Variants in KCNIP4 observed in about 807,000 individuals in gnomAD.
KCNIP4 encodes Kv channel-interacting protein 4.
Under a neutral mutation model 34.0 loss-of-function variants are expected in KCNIP4, and 12 were observed. The observed-to-expected ratio is 0.35, with a 90% CI of 0.23 to 0.57. The LOEUF (loss-of-function observed/expected upper bound fraction) is 0.57, where lower values mean the gene tolerates loss of function less well. Among genes scored for constraint, KCNIP4 ranks in the 20% least tolerant of loss-of-function variants. KCNIP4 has a pLI of 0.83. For synonymous variants in KCNIP4, 124 were observed against 102.2 expected (o/e 1.21, Z -1.29); for missense variants, 238 against 311.7 (o/e 0.76, Z 1.78).
chr4:20,753,790 T>C (rs1186203026), intron 4 of KCNIP4, among the ~76,000 whole-genome samples: 1 of 152,196 alleles, frequency 6.6e-6, no homozygotes, highest in Non-Finnish European at 1.5e-5. Context: ...GGTGAAGTCT[T>C]TTTTAAATTT....
chr4:21,738,218 A>G (rs997577958), intron 1 of KCNIP4, among the ~76,000 whole-genome samples: 1 of 152,104 alleles, frequency 6.6e-6, no homozygotes, highest in Non-Finnish European at 1.5e-5. Flanking sequence ...ATTTGTTTTT[A>G]TTCCTCTTTA....
In KCNIP4 at chr4:21,707,311, G is replaced by A. The variant is rs149152843; in HGVS notation, c.61+241260C>T. On this transcript the variant is annotated intron_variant, in intron 1 of 8. Coordinates refer to ENST00000382152, the MANE Select transcript of KCNIP4 (RefSeq NM_025221.6). ...ATATTTACATGTAAATAGATTCACA[G>A]AAGTATCTACTAAATACAAATTATG... Among the ~76,000 whole-genome samples, 496 of 152,252 alleles carry A rather than the reference G, an allele frequency of 3.3e-3. 3 individuals are homozygous for A. Among genetic ancestry groups the A allele is most frequent in the Non-Finnish European group, 5.9e-3 (402 of 68,012 alleles).
At chr4:20,882,238 A>G (rs746525870) in intron 2 of KCNIP4, among the ~76,000 whole-genome samples, 1 of 152,160 alleles carries the variant, frequency 6.6e-6, no homozygotes, top group Non-Finnish European at 1.5e-5. Context: ...GGGATTATAG[A>G]CCCAGTGGAT....
At chr4:21,125,355 T>G (rs1042223020) in intron 1 of KCNIP4, among the ~76,000 whole-genome samples, 2 of 151,770 alleles carry the variant, frequency 1.3e-5, no homozygotes, top group Non-Finnish European at 1.5e-5. Flanking sequence ...TAGCAGGGAT[T>G]AGAGGTGCCC....
chr4:21,443,270 A>T (rs115116528), intron 1 of KCNIP4, among the ~76,000 whole-genome samples: 1,601 of 152,198 alleles, frequency 0.011, 29 homozygotes, highest in African/African-American at 0.036. Flanking sequence ...ATAAAAGCCA[A>T]ATATCTTGCA....
At chr4:21,708,780 C>T (rs915374244) in intron 1 of KCNIP4, among the ~76,000 whole-genome samples, 5 of 152,096 alleles carry the variant, frequency 3.3e-5, no homozygotes, top group African/African-American at 1.2e-4. Flanking sequence ...AGTCATCAAC[C>T]GCAAGCAATC....
chr4:21,085,314 A>G (rs1746325439), intron 1 of KCNIP4, among the ~76,000 whole-genome samples: 2 of 152,056 alleles, frequency 1.3e-5, no homozygotes, highest in Non-Finnish European at 1.5e-5. Flanking sequence ...TCATATTGGC[A>G]CCCCGATCTC....
chr4:21,796,707 G>A (rs1178536405), intron 1 of KCNIP4, among the ~76,000 whole-genome samples: 1 of 152,124 alleles, frequency 6.6e-6, no homozygotes, highest in African/African-American at 2.4e-5. Context: ...ACTACAAATA[G>A]ATATTATGGA....
chr4:21,031,799 TCG>T (rs1359973164), intron 1 of KCNIP4, among the ~76,000 whole-genome samples: 1 of 152,196 alleles, frequency 6.6e-6, no homozygotes, highest in African/African-American at 2.4e-5. Flanking sequence ...CAACTCTACA[TCG>T]CTAGCTTTTT....
chr4:21,525,239 T>C (rs1206214936), intron 1 of KCNIP4, among the ~76,000 whole-genome samples: 1 of 152,196 alleles, frequency 6.6e-6, no homozygotes, highest in East Asian at 1.9e-4. Context: ...TCATTTATTT[T>C]GCATAGTTTA....
At chr4:21,153,446 TC>T (rs1225344159) in intron 1 of KCNIP4, among the ~76,000 whole-genome samples, 2 of 149,736 alleles carry the variant, frequency 1.3e-5, no homozygotes, top group East Asian at 3.9e-4. Context: ...TCTCTCTCTG[TC>T]CCTCTCTCTC....
chr4:20,907,023 C>A (rs185087713), intron 1 of KCNIP4, among the ~76,000 whole-genome samples: 1 of 152,270 alleles, frequency 6.6e-6, no homozygotes, highest in Non-Finnish European at 1.5e-5. Context: ...ACAGTTTCTG[C>A]CACACAGTAG....
At chr4:20,817,718 C>T (rs779085396) in intron 3 of KCNIP4, among the ~76,000 whole-genome samples, 1 of 148,506 alleles carries the variant, frequency 6.7e-6, no homozygotes. Context: ...TCAATACTTA[C>T]TGAGTGACTG....
At chr4:20,805,208 T>C (rs2149424708) in intron 3 of KCNIP4, among the ~76,000 whole-genome samples, 1 of 147,578 alleles carries the variant, frequency 6.8e-6, no homozygotes, top group South Asian at 2.2e-4. Flanking sequence ...TTTTTTTTTT[T>C]TTTTTTTTAA....
At chr4:21,147,541 T>G (rs1489553089) in intron 1 of KCNIP4, among the ~76,000 whole-genome samples, 1 of 152,216 alleles carries the variant, frequency 6.6e-6, no homozygotes, top group African/African-American at 2.4e-5. Flanking sequence ...TTATTATTTT[T>G]CTTTATTATC....
chr4:21,178,275 G>T (rs991491430), intron 1 of KCNIP4, among the ~76,000 whole-genome samples: 14 of 152,162 alleles, frequency 9.2e-5, no homozygotes, highest in Admixed American at 2.6e-4. Flanking sequence ...AAATATGCTT[G>T]AAAGTCAATG....
intron 1 of KCNIP4, among the ~76,000 whole-genome samples, chr4:21,408,804 G>A (rs1018902146): frequency 1.3e-5 from 2 of 152,118 alleles, no homozygotes; most frequent in Admixed American, 1.3e-4. Context: ...TTTCATCAGT[G>A]GAGTCTGATC....
chr4:21,317,865 T>C (rs1713950747), intron 1 of KCNIP4, among the ~76,000 whole-genome samples: 1 of 152,210 alleles, frequency 6.6e-6, no homozygotes, highest in Admixed American at 6.5e-5. Context: ...TCTCTAACTC[T>C]TGTCTGCTGC....
At chr4:21,337,380 T>G (rs2109338363) in intron 1 of KCNIP4, among the ~76,000 whole-genome samples, 1 of 152,296 alleles carries the variant, frequency 6.6e-6, no homozygotes, top group Non-Finnish European at 1.5e-5. Context: ...GCCAATAGGC[T>G]GATTCTACAG....
Sources: gnomAD v4.1 joint callset for allele counts (sites outside exome capture counted in the v4.1 genomes callset) on GRCh38, gnomAD v4.1.1 for gene constraint, MANE v1.5 for transcripts, NCBI Gene and HGNC (gene_info 2026-07-23, HGNC 2026-07-21) for gene names.